The following GCM1 variants were observed in gnomAD, a reference collection of about 807,000 sequenced individuals.
GCM1 encodes the protein chorion-specific transcription factor GCMa.
A neutral mutation model predicts 25.7 loss-of-function variants in GCM1; 2 were observed. The observed-to-expected ratio is 0.08, with a 90% CI of 0.03 to 0.24. GCM1 has a LOEUF of 0.24. Among genes scored for constraint, GCM1 ranks in the 10% least tolerant of loss-of-function variants. The pLI is 1.00. For synonymous variants in GCM1, 183 were observed against 195.7 expected (o/e 0.94, Z 0.54); for missense variants, 395 against 538.7 (o/e 0.73, Z 2.64).
chr6:53,146,214 ATATTTTTT>A (rs1190120167), intron 1 of GCM1, among the ~76,000 whole-genome samples: 6 of 69,484 alleles, frequency 8.6e-5, no homozygotes, highest in Admixed American at 3.3e-4. Context: ...ATATATATAT[ATATTTTTT>A]TTTTTTTTTT....
intron 2 of GCM1, among the ~76,000 whole-genome samples, chr6:53,144,075 T>C (rs1448936019): frequency 1.3e-5 from 2 of 152,170 alleles, no homozygotes; most frequent in Non-Finnish European, 2.9e-5. Context: ...CAACTTCTAG[T>C]GAGAGCATCT....
chr6:53,141,134 A>C (rs1258616967), intron 2 of GCM1, among the ~76,000 whole-genome samples: 1 of 152,152 alleles, frequency 6.6e-6, no homozygotes, highest in African/African-American at 2.4e-5. Context: ...TTCTCTATTT[A>C]GGCAGTAATC....
In GCM1 at chr6:53,127,397, G is replaced by C. The variant is rs1217213717; in HGVS notation, c.*809C>G. ...ATTTTACACACTAGTCTCACAACTA[G>C]ACAACATATTCAGTACTTCAGTGGT... On this transcript the variant is annotated 3_prime_UTR_variant, in exon 6 of 6. Coordinates refer to ENST00000259803, the MANE Select transcript of GCM1 (RefSeq NM_003643.4). The C allele has an allele frequency of 6.6e-6, 1 of 152,144 alleles. No homozygotes were observed. Among genetic ancestry groups the C allele is most frequent in the African/African-American group, 2.4e-5 (1 of 41,420 alleles). 9.4% of individuals were successfully genotyped at this position (152,144 alleles called of 1,614,324 possible). A position where few individuals can be genotyped will look rare whatever the true frequency, so the allele number is the denominator to read the frequency against.
At chr6:53,144,954 GA>G (rs1371406354) in intron 2 of GCM1, among the ~76,000 whole-genome samples, 1 of 80,628 alleles carries the variant, frequency 1.2e-5, no homozygotes, top group African/African-American at 5.8e-5. Flanking sequence ...AGAAAGAAAA[GA>G]AAAGAAAGAA....
Position 53,140,744 on chromosome 6 carries a change from T to C in GCM1, c.75+4814A>G, listed in dbSNP as rs1763861411. The stretch of plus-strand genomic sequence containing the variant: ...GGATATTCTCCTCTTGCTAGTGAAA[T>C]GGGTACTATTTAAGAGAAAAAGGAA... On this transcript the variant is annotated intron_variant, in intron 2 of 5. Transcript: ENST00000259803. Among the ~76,000 whole-genome samples, 5 of 152,070 alleles carry C rather than the reference T, an allele frequency of 3.3e-5. No homozygotes were observed. The South Asian group carries it at 1.0e-3, about 31-fold the overall frequency.
At chr6:53,144,110 G>A (rs1013436944) in intron 2 of GCM1, among the ~76,000 whole-genome samples, 16 of 152,130 alleles carry the variant, frequency 1.1e-4, no homozygotes, top group African/African-American at 3.9e-4. Context: ...GGAAGTCAAA[G>A]AAGTAAACAG....
intron 3 of GCM1, among the ~76,000 whole-genome samples, chr6:53,132,573 G>A (rs866650056): frequency 2.6e-5 from 4 of 152,144 alleles, no homozygotes; most frequent in Non-Finnish European, 5.9e-5. Context: ...TTAGCTGGGC[G>A]TGGTGGTGCA....
chr6:53,130,920 C>G lies in GCM1; in HGVS notation c.453G>C (p.Glu151Asp). 1.2e-6 allele frequency: 2 copies of G among 1,613,580 alleles called. No homozygotes were observed. The highest frequency in any genetic ancestry group is 1.7e-6 in the Non-Finnish European group (2 of 1,179,492). ...TGGTTTCTGGTTTTGGATGATCATG[C>G]TCTCCCTTTGACTTAAATGAGACAA... is the stretch of plus-strand genomic sequence containing the variant. Reference protein sequence around the residue: ...GRFIFFQSKGEHDHPKPETKL... With the variant: ...GRFIFFQSKGDHDHPKPETKL... Residue 151 changes from glutamate to aspartate, a missense_variant, in exon 5 of 6, where the codon GAG becomes GAC. Coordinates refer to ENST00000259803, the MANE Select transcript of GCM1 (RefSeq NM_003643.4).
At position 53,134,154 on chromosome 6, in the gene GCM1, G is replaced by A. The variant is rs748507574; in HGVS notation, c.246C>T (p.Cys82=). 6.2e-6 allele frequency: 10 copies of A among 1,614,048 alleles called. No individual in the cohort carries two copies. The highest frequency in any genetic ancestry group is 5.5e-5 in the South Asian group (5 of 91,074). Residue 82 remains cysteine, a synonymous_variant, in exon 3 of 6, where the codon TGC becomes TGT. Coordinates refer to ENST00000259803, the MANE Select transcript of GCM1 (RefSeq NM_003643.4). ...LKKSCLGVVV[C]GRDCLAEEGR... ...CCTCCTCTGCGAGACAGTCGCGGCC[G>A]CACACCACCACACCCAGGCAGGACT... is the stretch of plus-strand genomic sequence containing the variant.
In GCM1 at chr6:53,128,884, G is replaced by A. The variant is rs781507485; in HGVS notation, c.633C>T (p.Gly211=). 30 of 1,609,176 alleles carry A rather than the reference G, an allele frequency of 1.9e-5. 1 individual carries two copies. The South Asian group carries it at 2.2e-4, about 12-fold the overall frequency. The change falls in exon 6 of 6, where the codon GGC becomes GGT. Residue 211 remains glycine (G), a synonymous_variant. Transcript: ENST00000259803. The part of the protein sequence containing the change: ...SLPLTWSFQE[G]VQLPGSYSGH... ...CACTGTAACTACCAGGCAATTGGAC[G>A]CCTTCCTGGAAAGACCAAGTTAAAG...
Position 53,128,159 on chromosome 6 carries a change from C to A in GCM1, c.*47G>T. Reference sequence around the variant, plus strand: ...ATTTCCTAAGGAAATTCTTTCAGCCCTTCCCCATTTTTGAGGGGCTGGGGT... The same window carrying A: ...ATTTCCTAAGGAAATTCTTTCAGCCATTCCCCATTTTTGAGGGGCTGGGGT... On this transcript the variant is annotated 3_prime_UTR_variant, in exon 6 of 6. Transcript: ENST00000259803. 2.7e-6 allele frequency: 4 copies of A among 1,468,726 alleles called. No homozygotes were observed. In the East Asian group the frequency reaches 9.1e-5, roughly 34 times the overall value. The allele number at this position is 1,468,726 out of a possible 1,614,324, so 91.0% of individuals were successfully genotyped here. A position where few individuals can be genotyped will look rare whatever the true frequency, so the allele number is the denominator to read the frequency against.
At chr6:53,147,297 G>A (rs892840352) in intron 1 of GCM1, among the ~76,000 whole-genome samples, 5 of 151,904 alleles carry the variant, frequency 3.3e-5, no homozygotes, top group Non-Finnish European at 7.4e-5. Flanking sequence ...TCATTTATTG[G>A]TACTCTTATA....
At chr6:53,129,284 T>A (rs1175617622) in intron 5 of GCM1, among the ~76,000 whole-genome samples, 4 of 151,672 alleles carry the variant, frequency 2.6e-5, no homozygotes, top group African/African-American at 9.7e-5. Context: ...TTTTTTTTTT[T>A]TTTTGAGATG....
At chr6:53,138,575 A>G (rs1763832689) in intron 2 of GCM1, among the ~76,000 whole-genome samples, 1 of 152,226 alleles carries the variant, frequency 6.6e-6, no homozygotes, top group South Asian at 2.1e-4. Flanking sequence ...TCATTTCTTC[A>G]TCATGTTTAG....
rs3799267 is a variant in GCM1, at chr6:53,128,722, C to T, written c.795G>A (p.Lys265=). ...STVDPMKLYE[K]RKLSSSRTYS... The stretch of plus-strand genomic sequence containing the variant: ...AGGTTCTGCTACTGGACAATTTGCG[C>T]TTTTCATAGAGCTTCATGGGGTCCA... Residue 265 remains lysine, a synonymous_variant, in exon 6 of 6, where the codon AAG becomes AAA. Transcript: ENST00000259803. 6,514 of 1,614,124 alleles carry T rather than the reference C, an allele frequency of 4.0e-3. 192 individuals carry two copies. In the Admixed American group the frequency reaches 0.06, roughly 15 times the overall value.
intron 2 of GCM1, among the ~76,000 whole-genome samples, chr6:53,136,540 A>G (rs768378578): frequency 5.3e-5 from 8 of 152,214 alleles, no homozygotes; most frequent in Admixed American, 1.3e-4. Context: ...TTCCACCTCA[A>G]TGTTAACTGT....
intron 2 of GCM1, among the ~76,000 whole-genome samples, chr6:53,137,043 G>A (rs1194060496): frequency 6.6e-6 from 1 of 152,156 alleles, no homozygotes; most frequent in African/African-American, 2.4e-5. Flanking sequence ...TGCACCTCTT[G>A]TTCCACAACC....
Position 53,128,392 on chromosome 6 carries a change from G to A in GCM1, c.1125C>T (p.Tyr375=), listed in dbSNP as rs575787885. 7 of 1,613,482 alleles carry A rather than the reference G, an allele frequency of 4.3e-6. No homozygotes were observed. The highest frequency in any genetic ancestry group is 2.2e-5 in the South Asian group (2 of 91,064). ...EEKVHVDFNS[Y]VQSPAYHSPQ... is the part of the protein sequence containing the mutation. Reference sequence around the variant, plus strand: ...GTGAATGGTATGCAGGAGACTGGACGTAGCTGTTAAAATCCACATGTACTT... The same window carrying A: ...GTGAATGGTATGCAGGAGACTGGACATAGCTGTTAAAATCCACATGTACTT... Residue 375 remains tyrosine, a synonymous_variant, in exon 6 of 6, where the codon TAC becomes TAT. Coordinates refer to ENST00000259803, the MANE Select transcript of GCM1 (RefSeq NM_003643.4).
intron 2 of GCM1, among the ~76,000 whole-genome samples, chr6:53,134,837 C>G (rs575725031): frequency 6.6e-6 from 1 of 152,036 alleles, no homozygotes; most frequent in Non-Finnish European, 1.5e-5. Context: ...AACATTGTGG[C>G]GGGATAGTGA....
Sources: gnomAD v4.1 joint callset for allele counts (sites outside exome capture counted in the v4.1 genomes callset) on GRCh38, gnomAD v4.1.1 for gene constraint, MANE v1.5 for transcripts, NCBI Gene and HGNC (gene_info 2026-07-23, HGNC 2026-07-21) for gene names.